Variants in EXTL3 observed in about 807,000 individuals in gnomAD.
EXTL3 encodes exostosin like glycosyltransferase 3.
In EXTL3, 27 loss-of-function variants were observed where a neutral mutation model predicts 69.3. The observed-to-expected ratio is 0.39, with a 90% CI of 0.29 to 0.54. The LOEUF (loss-of-function observed/expected upper bound fraction) is 0.54, where lower values mean the gene tolerates loss of function less well. EXTL3 is among the 20% of genes least tolerant of loss of function. EXTL3 has a pLI of 0.69. For missense variants in EXTL3, 1,003 were observed against 1,231.8 expected (o/e 0.81, Z 2.78); for synonymous variants, 511 against 499.4 (o/e 1.02, Z -0.31).
At chr8:28,676,651 C>T (rs1807387766) in intron 1 of EXTL3, among the ~76,000 whole-genome samples, 2 of 152,216 alleles carry the variant, frequency 1.3e-5, no homozygotes, top group African/African-American at 4.8e-5. Flanking sequence ...CCAAATCAAC[C>T]TTTGGTGGAT....
chr8:28,740,783 A>G (rs1801761167), intron 5 of EXTL3: 1 of 152,150 alleles, frequency 6.6e-6, no homozygotes, highest in East Asian at 1.9e-4. Context: ...TTACTGATAG[A>G]TATTTTTTAG....
chr8:28,674,659 A>C (rs1807350679), intron 1 of EXTL3, among the ~76,000 whole-genome samples: 1 of 152,232 alleles, frequency 6.6e-6, no homozygotes, highest in Admixed American at 6.5e-5. Flanking sequence ...GTGCAGTTAA[A>C]GTGAGAGCAT....
chr8:28,667,022 C>A (rs1807207966), intron 1 of EXTL3, among the ~76,000 whole-genome samples: 1 of 152,196 alleles, frequency 6.6e-6, no homozygotes, highest in African/African-American at 2.4e-5. Flanking sequence ...GTGGGAGCTT[C>A]CTGTGCTGGT....
chr8:28,703,681 C>G (rs1800860202), intron 1 of EXTL3, among the ~76,000 whole-genome samples: 1 of 152,050 alleles, frequency 6.6e-6, no homozygotes, highest in Admixed American at 6.5e-5. Context: ...AATGAAGTCC[C>G]ATCAGACCTA....
At chr8:28,733,588 G>T (rs1000637065) in intron 4 of EXTL3, among the ~76,000 whole-genome samples, 2 of 149,090 alleles carry the variant, frequency 1.3e-5, no homozygotes, top group African/African-American at 2.5e-5. Context: ...GTACAGATGG[G>T]TTCTCACTTT....
intron 3 of EXTL3, among the ~76,000 whole-genome samples, chr8:28,725,395 G>A (rs1424914290): frequency 6.6e-6 from 1 of 152,000 alleles, no homozygotes; most frequent in East Asian, 1.9e-4. Context: ...TGATGGAGGT[G>A]GATGGGTTTT....
At chr8:28,693,811 G>A (rs1800650522) in intron 1 of EXTL3, among the ~76,000 whole-genome samples, 1 of 152,208 alleles carries the variant, frequency 6.6e-6, no homozygotes, top group African/African-American at 2.4e-5. Context: ...CCAAAGAGAA[G>A]AGTAACCTTG....
At chr8:28,725,549 A>G (rs1009060820) in intron 3 of EXTL3, among the ~76,000 whole-genome samples, 5 of 152,236 alleles carry the variant, frequency 3.3e-5, no homozygotes, top group African/African-American at 9.6e-5. Context: ...TGTAAATAGA[A>G]TGGCAGGGCT....
At chr8:28,622,840 G>A (rs966279207) in intron 1 of EXTL3, 1 of 152,238 alleles carries the variant, frequency 6.6e-6, no homozygotes, top group Non-Finnish European at 1.5e-5. Flanking sequence ...TTCCCTTTCG[G>A]GGGTGGGAAG....
intron 1 of EXTL3, among the ~76,000 whole-genome samples, chr8:28,707,836 C>G (rs574710135): frequency 3.9e-5 from 6 of 152,212 alleles, no homozygotes; most frequent in African/African-American, 1.2e-4. Context: ...GGGACATTAG[C>G]GAACTGGTGG....
At chr8:28,702,882 T>C (rs1195988084) in intron 1 of EXTL3, among the ~76,000 whole-genome samples, 1 of 152,214 alleles carries the variant, frequency 6.6e-6, no homozygotes, top group Non-Finnish European at 1.5e-5. Flanking sequence ...CTGTATTTTG[T>C]TCGGCAGTGA....
chr8:28,661,422 A>T (rs1283562571), intron 1 of EXTL3, among the ~76,000 whole-genome samples: 2 of 152,094 alleles, frequency 1.3e-5, no homozygotes, highest in African/African-American at 4.8e-5. Flanking sequence ...AAATGCATAT[A>T]TGCATATGAA....
intron 3 of EXTL3, among the ~76,000 whole-genome samples, chr8:28,722,746 C>T (rs997840847): frequency 1.4e-5 from 2 of 146,384 alleles, no homozygotes; most frequent in African/African-American, 5.1e-5. Context: ...CGCGCTCCAG[C>T]CTGGGTGATA....
chr8:28,724,872 C>T (rs905658783), intron 3 of EXTL3, among the ~76,000 whole-genome samples: 10 of 152,248 alleles, frequency 6.6e-5, no homozygotes, highest in African/African-American at 1.9e-4. Flanking sequence ...TCCCTCCCAT[C>T]GCTCACCTCC....
At chr8:28,714,585 C>T (rs1801101488) in intron 2 of EXTL3, among the ~76,000 whole-genome samples, 1 of 152,110 alleles carries the variant, frequency 6.6e-6, no homozygotes, top group African/African-American at 2.4e-5. Context: ...TGTCTTAGCC[C>T]TGTTAAGAGT....
chr8:28,695,378 C>T (rs756704712), intron 1 of EXTL3, among the ~76,000 whole-genome samples: 10 of 152,080 alleles, frequency 6.6e-5, no homozygotes, highest in South Asian at 2.1e-4. Flanking sequence ...ACACCCGCCT[C>T]GGCCTCCTAA....
chr8:28,619,924 A>G (rs1180369380), upstream of EXTL3, among the ~76,000 whole-genome samples: 3 of 113,670 alleles, frequency 2.6e-5, no homozygotes, highest in South Asian at 6.1e-4. Flanking sequence ...AGGCTGGAGT[A>G]CAGTGGCGCG....
At chr8:28,678,350 T>C (rs551181808) in intron 1 of EXTL3, among the ~76,000 whole-genome samples, 1 of 152,312 alleles carries the variant, frequency 6.6e-6, no homozygotes, top group South Asian at 2.1e-4. Flanking sequence ...TGAAATTCGA[T>C]TCCCAATGTT....
chr8:28,675,144 C>G (rs1399535072), intron 1 of EXTL3, among the ~76,000 whole-genome samples: 1 of 152,040 alleles, frequency 6.6e-6, no homozygotes, highest in Admixed American at 6.6e-5. Flanking sequence ...GTGAGGAGAG[C>G]AAAGATCACC....
Sources: allele counts gnomAD v4.1 joint callset (sites outside exome capture counted in the v4.1 genomes callset), GRCh38; gene constraint gnomAD v4.1.1; transcripts MANE v1.5; gene names NCBI Gene and HGNC (gene_info 2026-07-23, HGNC 2026-07-21).